PLPPR1: variants seen among roughly 807,000 people sequenced by gnomAD.
The protein encoded by PLPPR1 is phospholipid phosphatase related 1, also known as phospholipid phosphatase-related protein type 1.
Under a neutral mutation model 33.1 loss-of-function variants are expected in PLPPR1, and 10 were observed. That is an observed-to-expected ratio of 0.30 (90% CI 0.19 to 0.51). The LOEUF is 0.51. PLPPR1 is among the 20% of genes least tolerant of loss of function. The pLI is 0.97. For synonymous variants in PLPPR1, 151 were observed against 151.0 expected, an observed-to-expected ratio of 1.00 and a Z score of 0.00; for missense variants, 304 against 408.1, an observed-to-expected ratio of 0.74 and a Z score of 2.20.
intron 2 of PLPPR1, among the ~76,000 whole-genome samples, chr9:101,263,279 G>T (rs887960508): frequency 1.3e-5 from 2 of 152,228 alleles, no homozygotes; most frequent in Admixed American, 6.5e-5. Context: ...TATACCAGAA[G>T]TATTCTGCTT....
chr9:101,237,623 T>C (rs961480340), intron 2 of PLPPR1, among the ~76,000 whole-genome samples: 3 of 137,940 alleles, frequency 2.2e-5, no homozygotes, highest in South Asian at 2.2e-4. Flanking sequence ...TAGTATTCCA[T>C]TGTGTGCATA....
At chr9:101,109,068 C>T (rs1831016142) in intron 1 of PLPPR1, among the ~76,000 whole-genome samples, 1 of 150,728 alleles carries the variant, frequency 6.6e-6, no homozygotes, top group South Asian at 2.1e-4. Flanking sequence ...ACGCCATTCT[C>T]CTGCCTCAGC....
intron 1 of PLPPR1, among the ~76,000 whole-genome samples, chr9:101,110,117 C>G (rs1831037545): frequency 6.6e-6 from 1 of 152,150 alleles, no homozygotes; most frequent in Non-Finnish European, 1.5e-5. Context: ...ATATAAATTA[C>G]AAAACAAGTT....
intron 1 of PLPPR1, among the ~76,000 whole-genome samples, chr9:101,160,039 A>C (rs1831752414): frequency 6.6e-6 from 1 of 152,194 alleles, no homozygotes; most frequent in African/African-American, 2.4e-5. Context: ...AAAGAAGTGG[A>C]GTGAGAATGC....
At chr9:101,238,903 C>G (rs1827391052) in intron 2 of PLPPR1, among the ~76,000 whole-genome samples, 1 of 151,602 alleles carries the variant, frequency 6.6e-6, no homozygotes, top group Admixed American at 6.6e-5. Context: ...CCTTCTTACC[C>G]TTCCAGCTTC....
intron 1 of PLPPR1, among the ~76,000 whole-genome samples, chr9:101,167,186 T>TC: frequency 4.3e-5 from 1 of 23,202 alleles, no homozygotes; most frequent in South Asian, 1.6e-3. Context: ...GTGTGTGTCT[T>TC]TCTCTCTCTC....
chr9:101,156,395 C>T (rs934951559), intron 1 of PLPPR1, among the ~76,000 whole-genome samples: 3 of 151,442 alleles, frequency 2.0e-5, no homozygotes, highest in Admixed American at 6.6e-5. Flanking sequence ...ACAGAAAATA[C>T]AAAAATCAAC....
intron 1 of PLPPR1, among the ~76,000 whole-genome samples, chr9:101,031,119 G>A (rs1185394762): frequency 6.6e-6 from 1 of 152,080 alleles, no homozygotes; most frequent in African/African-American, 2.4e-5. Context: ...TTGGCATAGA[G>A]GGGATTTAAC....
intron 1 of PLPPR1, among the ~76,000 whole-genome samples, chr9:101,122,795 A>T (rs1334928943): frequency 6.6e-6 from 1 of 152,248 alleles, no homozygotes; most frequent in Non-Finnish European, 1.5e-5. Flanking sequence ...TTCCATCTTC[A>T]TTAACACCTA....
At chr9:101,046,988 G>C (rs1830159373) in intron 1 of PLPPR1, among the ~76,000 whole-genome samples, 1 of 152,042 alleles carries the variant, frequency 6.6e-6, no homozygotes, top group African/African-American at 2.4e-5. Context: ...GGGAGAAGAG[G>C]GTTGGTTTTG....
At chr9:101,038,675 C>T (rs1260699651) in intron 1 of PLPPR1, among the ~76,000 whole-genome samples, 1 of 152,118 alleles carries the variant, frequency 6.6e-6, no homozygotes, top group East Asian at 1.9e-4. Context: ...TCAACCCCCA[C>T]ATCAAGAAGA....
chr9:101,048,006 G>A (rs1270314187), intron 1 of PLPPR1, among the ~76,000 whole-genome samples: 1 of 152,110 alleles, frequency 6.6e-6, no homozygotes, highest in Non-Finnish European at 1.5e-5. Flanking sequence ...GTGCCATACC[G>A]GTAGGTGGAC....
At chr9:101,112,703 G>C (rs1831071634) in intron 1 of PLPPR1, among the ~76,000 whole-genome samples, 1 of 152,202 alleles carries the variant, frequency 6.6e-6, no homozygotes, top group Non-Finnish European at 1.5e-5. Context: ...GGAATGCTGA[G>C]AGTGCACCTT....
chr9:101,295,562 C>A (rs2118931954), intron 4 of PLPPR1, among the ~76,000 whole-genome samples: 1 of 150,966 alleles, frequency 6.6e-6, no homozygotes, highest in South Asian at 2.1e-4. Context: ...TACTACAAGG[C>A]TACAGTAACC....
At chr9:101,142,147 A>G (rs576265394) in intron 1 of PLPPR1, among the ~76,000 whole-genome samples, 1 of 152,272 alleles carries the variant, frequency 6.6e-6, no homozygotes, top group Non-Finnish European at 1.5e-5. Flanking sequence ...TTTATCTTAC[A>G]TGTAAGTGAA....
intron 2 of PLPPR1, among the ~76,000 whole-genome samples, chr9:101,218,961 A>T (rs1826864438): frequency 6.6e-6 from 1 of 152,244 alleles, no homozygotes; most frequent in Non-Finnish European, 1.5e-5. Context: ...CTGCCACCAG[A>T]TACATATACA....
At chr9:101,087,214 A>T (rs1014596492) in intron 1 of PLPPR1, among the ~76,000 whole-genome samples, 4 of 151,982 alleles carry the variant, frequency 2.6e-5, no homozygotes, top group Non-Finnish European at 4.4e-5. Flanking sequence ...AATAAAAAAA[A>T]TTGAGATTAG....
At chr9:101,123,191 C>T (rs923688703) in intron 1 of PLPPR1, among the ~76,000 whole-genome samples, 46 of 151,264 alleles carry the variant, frequency 3.0e-4, no homozygotes, top group African/African-American at 1.1e-3. Flanking sequence ...GAAAGTCCTC[C>T]CAAATTAGGA....
At chr9:101,253,819 C>G (rs1459865513) in intron 2 of PLPPR1, among the ~76,000 whole-genome samples, 1 of 152,094 alleles carries the variant, frequency 6.6e-6, no homozygotes, top group African/African-American at 2.4e-5. Flanking sequence ...TTGTCCTCAC[C>G]ATTCCCTATC....
Sources: gnomAD v4.1 joint callset for allele counts (sites outside exome capture counted in the v4.1 genomes callset) on GRCh38, gnomAD v4.1.1 for gene constraint, MANE v1.5 for transcripts, NCBI Gene and HGNC (gene_info 2026-07-23, HGNC 2026-07-21) for gene names.